Variants in TOM1 observed in about 807,000 individuals in gnomAD.
TOM1 encodes the protein target of Myb protein 1.
TOM1 carries 38 observed loss-of-function variants against 61.3 expected under a neutral mutation model. The ratio of observed to expected loss-of-function variants is 0.62; its 90% CI spans 0.48 to 0.81. The LOEUF (loss-of-function observed/expected upper bound fraction) is 0.81. Ranked by LOEUF, TOM1 falls within the 40% of genes least tolerant of loss-of-function variation. The probability of loss-of-function intolerance (pLI) is 0.00; values close to 1 mark genes in which losing one functional copy is unlikely to be tolerated. For missense variants in TOM1, 591 were observed against 659.6 expected (o/e 0.90, Z 1.14); for synonymous variants, 270 against 268.8 (o/e 1.00, Z -0.04).
chr22:35,321,327 G>A (rs1461794058), intron 2 of TOM1, among the ~76,000 whole-genome samples: 2 of 151,930 alleles, frequency 1.3e-5, no homozygotes, highest in Non-Finnish European at 2.9e-5. Flanking sequence ...CTAGGGTGGG[G>A]ACCTAGGGTT....
intron 1 of TOM1, among the ~76,000 whole-genome samples, chr22:35,315,120 G>C (rs1365642372): frequency 6.6e-6 from 1 of 152,162 alleles, no homozygotes; most frequent in Non-Finnish European, 1.5e-5. Flanking sequence ...GTGGAGAATG[G>C]GTGGGAGGAG....
At chr22:35,300,916 A>C in intron 1 of TOM1, among the ~76,000 whole-genome samples, 1 of 151,898 alleles carries the variant, frequency 6.6e-6, no homozygotes, top group African/African-American at 2.4e-5. Context: ...CAGTTGTAAT[A>C]TTTATTATCA....
intron 1 of TOM1, among the ~76,000 whole-genome samples, chr22:35,309,883 G>A (rs112780125): frequency 1.3e-5 from 2 of 152,244 alleles, no homozygotes; most frequent in African/African-American, 4.8e-5. Context: ...CCCAGGAGCC[G>A]CCCAAGAGAC....
At chr22:35,307,058 G>A (rs1926387014) in intron 1 of TOM1, among the ~76,000 whole-genome samples, 1 of 151,752 alleles carries the variant, frequency 6.6e-6, no homozygotes, top group Non-Finnish European at 1.5e-5. Context: ...AACCCTCAGT[G>A]TCTCCTAATT....
At chr22:35,299,775 G>A, upstream of TOM1, 4 of 812,872 alleles carry the variant, frequency 4.9e-6, 1 homozygote, top group South Asian at 3.5e-5. Context: ...CGGGACCCTG[G>A]CGTCTCAGGG....
rs746687192 is a variant in TOM1, at chr22:35,333,546, G to A, written c.1027+49G>A. The A allele has an allele frequency of 1.9e-5, 30 of 1,560,710 alleles. No individual in the cohort carries two copies. The South Asian group carries it at 2.3e-4, about 12-fold the overall frequency. On this transcript the variant is annotated intron_variant, in intron 10 of 14. Transcript: ENST00000449058. The stretch of plus-strand genomic sequence containing the variant: ...AGCTGAGGGTACATTATGGTACTGT[G>A]GGCACCCCTGCAGATTTTCGGGGTG...
chr22:35,331,203 C>T (rs962279871), intron 8 of TOM1: 6 of 401,240 alleles, frequency 1.5e-5, no homozygotes, highest in Non-Finnish European at 2.4e-5. Flanking sequence ...TCAAGCAGTC[C>T]TCCCACCTCA....
intron 1 of TOM1, among the ~76,000 whole-genome samples, chr22:35,314,551 T>G (rs558820594): frequency 6.6e-6 from 1 of 152,220 alleles, no homozygotes; most frequent in South Asian, 2.1e-4. Context: ...TACTTGCCTT[T>G]CCAAAACAAC....
intron 12 of TOM1, chr22:35,345,369 G>C (rs1930418237): frequency 3.0e-6 from 1 of 330,348 alleles, no homozygotes; most frequent in African/African-American, 2.1e-5. Context: ...AGATGCTCCT[G>C]AGCACCTGCA....
chr22:35,335,144 A>G (rs902926162), intron 11 of TOM1, among the ~76,000 whole-genome samples: 15 of 152,152 alleles, frequency 9.9e-5, no homozygotes, highest in Admixed American at 3.3e-4. Context: ...TGTAAGAGGA[A>G]CAGTCTGCTT....
intron 9 of TOM1, 135 bp downstream of exon 9, chr22:35,333,149 A>C: frequency 9.7e-7 from 1 of 1,035,166 alleles, no homozygotes; most frequent in Non-Finnish European, 1.5e-6. Flanking sequence ...TCCCCTTCTA[A>C]CTTTTTATGT....
intron 2 of TOM1, among the ~76,000 whole-genome samples, chr22:35,318,553 G>A (rs969874595): frequency 6.6e-6 from 1 of 152,232 alleles, no homozygotes; most frequent in Non-Finnish European, 1.5e-5. Flanking sequence ...GTGGGGGAAG[G>A]ATTGGGGTCT....
At chr22:35,316,377 G>A (rs1286969062) in intron 1 of TOM1, among the ~76,000 whole-genome samples, 4 of 152,256 alleles carry the variant, frequency 2.6e-5, no homozygotes, top group African/African-American at 4.8e-5. Flanking sequence ...TGGTTGACGC[G>A]TGAAGATAGC....
rs547831801 is a variant in TOM1 at position 35,312,333 on chromosome 22, T to C, written c.53-5544T>C. On this transcript the variant is annotated intron_variant, in intron 1 of 14. Transcript: ENST00000449058. Reference sequence around the variant, plus strand: ...GCACACCTGGCACTGTCTCAGCACCTGGTCTTTCCTGCCATGGAAACGACC... The same window carrying C: ...GCACACCTGGCACTGTCTCAGCACCCGGTCTTTCCTGCCATGGAAACGACC... 2.0e-5 allele frequency among the ~76,000 whole-genome samples: 3 copies of C among 152,174 alleles called. No individual in the cohort carries two copies. In the South Asian group the frequency reaches 6.2e-4, roughly 32 times the overall value.
chr22:35,299,920 G>C lies in TOM1; in HGVS notation c.-9G>C. On this transcript the variant is annotated 5_prime_UTR_variant, in exon 1 of 15. Transcript: ENST00000449058. ...ATTCCCGGGGTTGGTGGCAGCGGCG[G>C]TAGCAGCAATGGACTTTCTCCTGGG... 6.3e-7 allele frequency: 1 copy of C among 1,580,360 alleles called. No homozygotes were observed. Among genetic ancestry groups the C allele is most frequent in the Non-Finnish European group, 8.6e-7 (1 of 1,161,378 alleles).
chr22:35,345,858 C>G (rs1202657053), intron 13 of TOM1, 74 bp downstream of exon 13: 8 of 1,519,166 alleles, frequency 5.3e-6, no homozygotes, highest in East Asian at 2.2e-5. Context: ...CCCATGGGGC[C>G]AGGGTAGACT....
chr22:35,316,836 C>T (rs536587601), intron 1 of TOM1, among the ~76,000 whole-genome samples: 32 of 152,200 alleles, frequency 2.1e-4, no homozygotes, highest in South Asian at 8.3e-4. Flanking sequence ...ATTTTGGGCC[C>T]GTACCGTGCT....
chr22:35,333,428 G>A lies in TOM1; in HGVS notation c.958G>A (p.Ala320Thr). 6.2e-7 allele frequency: 1 copy of A among 1,613,964 alleles called. No homozygotes were observed. Among genetic ancestry groups the A allele is most frequent in the East Asian group, 2.2e-5 (1 of 44,898 alleles). Residue 320 changes from alanine to threonine, a missense_variant, in exon 10 of 15, where the codon GCT becomes ACT. Coordinates refer to ENST00000449058, the MANE Select transcript of TOM1 (RefSeq NM_005488.3). The stretch of plus-strand genomic sequence containing the variant: ...GGCCCCAAGTGAGGCCGAGCCGGCA[G>A]CTGACCTGATCGACATGGGCCCTGA... Reference protein sequence around the residue: ...TKAPSEAEPAADLIDMGPDPA... With the variant: ...TKAPSEAEPATDLIDMGPDPA...
At chr22:35,304,134 G>A (rs1926101309) in intron 1 of TOM1, among the ~76,000 whole-genome samples, 1 of 152,076 alleles carries the variant, frequency 6.6e-6, no homozygotes, top group African/African-American at 2.4e-5. Context: ...GCTTTCCAGG[G>A]TTCCACAGCC....
Sources: allele counts gnomAD v4.1 joint callset (sites outside exome capture counted in the v4.1 genomes callset), GRCh38; gene constraint gnomAD v4.1.1; transcripts MANE v1.5; gene names NCBI Gene and HGNC (gene_info 2026-07-23, HGNC 2026-07-21).